NEDD4L: variants seen among roughly 807,000 people sequenced by gnomAD.
The protein encoded by NEDD4L is E3 ubiquitin-protein ligase NEDD4-like.
Under a neutral mutation model 148.9 loss-of-function variants are expected in NEDD4L, and 54 were observed. That is an observed-to-expected ratio of 0.36 (90% CI 0.29 to 0.45). The LOEUF is 0.45. Ranked by LOEUF, NEDD4L falls within the 20% of genes least tolerant of loss-of-function variation. The pLI is 1.00. For synonymous variants in NEDD4L, 433 were observed against 440.7 expected, an observed-to-expected ratio of 0.98 and a Z score of 0.22; for missense variants, 856 against 1,233.8, an observed-to-expected ratio of 0.69 and a Z score of 4.59.
chr18:58,341,901 G>C, intron 15 of NEDD4L, 104 bp downstream of exon 15: 1 of 1,334,618 alleles, frequency 7.5e-7, no homozygotes, highest in East Asian at 2.5e-5. Context: ...TCCTCTCTCT[G>C]ATCAGTCGTT....
intron 2 of NEDD4L, among the ~76,000 whole-genome samples, chr18:58,187,828 T>A (rs1416203602): frequency 6.6e-6 from 1 of 150,574 alleles, no homozygotes; most frequent in East Asian, 2.0e-4. Flanking sequence ...CCCACCCCCA[T>A]GTGCATTTCA....
chr18:58,385,706 C>T, intron 26 of NEDD4L, 120 bp downstream of exon 26: 1 of 800,370 alleles, frequency 1.2e-6, no homozygotes, highest in Non-Finnish European at 2.1e-6. Flanking sequence ...AGGCTGGGGA[C>T]CCTGCAGGAA....
intron 11 of NEDD4L, among the ~76,000 whole-genome samples, chr18:58,333,233 A>T (rs1173688105): frequency 6.6e-6 from 1 of 151,072 alleles, no homozygotes; most frequent in Non-Finnish European, 1.5e-5. Context: ...AACTGAGATC[A>T]TGCCACTGCA....
chr18:58,297,676 G>A (rs2055847710), intron 5 of NEDD4L, among the ~76,000 whole-genome samples: 1 of 152,132 alleles, frequency 6.6e-6, no homozygotes, highest in Non-Finnish European at 1.5e-5. Context: ...AAATGCCCCT[G>A]CAGATGTGAT....
intron 18 of NEDD4L, among the ~76,000 whole-genome samples, chr18:58,354,653 A>C (rs1196745067): frequency 1.3e-5 from 2 of 152,206 alleles, no homozygotes; most frequent in Non-Finnish European, 2.9e-5. Context: ...GACTGGTCTT[A>C]AGTGGTAGAG....
At chr18:58,381,885 C>T (rs1046681362) in intron 24 of NEDD4L, among the ~76,000 whole-genome samples, 11 of 152,074 alleles carry the variant, frequency 7.2e-5, no homozygotes, top group African/African-American at 1.7e-4. Context: ...ACGGCCTGTA[C>T]GGGGCAGGAG....
intron 1 of NEDD4L, among the ~76,000 whole-genome samples, chr18:58,108,148 C>T (rs180767975): frequency 7.9e-5 from 12 of 152,250 alleles, no homozygotes; most frequent in Non-Finnish European, 1.3e-4. Flanking sequence ...TAGCTGACTG[C>T]GTGATAAACG....
intron 1 of NEDD4L, among the ~76,000 whole-genome samples, chr18:58,135,985 A>G (rs1023264192): frequency 6.6e-6 from 1 of 152,218 alleles, no homozygotes; most frequent in Admixed American, 6.5e-5. Flanking sequence ...TTGTGGCTAA[A>G]TACAGGTGGT....
At position 58,385,544 on chromosome 18, in the gene NEDD4L, A is replaced by G; in HGVS notation, c.2445A>G (p.Arg815=). 1 of 1,613,816 alleles carries G rather than the reference A, an allele frequency of 6.2e-7. No homozygotes were observed. The highest frequency in any genetic ancestry group is 8.5e-7 in the Non-Finnish European group (1 of 1,179,750). ...CCTGCAGCTTAGTCATCCAGTGGAG[A>G]TTTGTGAACAGGGTCCAGAAGCAGA... The part of the protein sequence containing the change: ...REYIDLVIQW[R]FVNRVQKQMN... The change falls in exon 26 of 31, where the codon AGA becomes AGG. Residue 815 remains arginine, a synonymous_variant. Coordinates refer to ENST00000400345, the MANE Select transcript of NEDD4L (RefSeq NM_001144967.3).
At chr18:58,332,309 A>G (rs2041094128) in intron 11 of NEDD4L, among the ~76,000 whole-genome samples, 1 of 152,226 alleles carries the variant, frequency 6.6e-6, no homozygotes, top group African/African-American at 2.4e-5. Flanking sequence ...ATGAGAGTCA[A>G]ATCGGATATT....
chr18:58,312,899 C>T (rs1275343626), intron 5 of NEDD4L, among the ~76,000 whole-genome samples: 3 of 152,198 alleles, frequency 2.0e-5, no homozygotes, highest in South Asian at 4.1e-4. Flanking sequence ...GGGGTGATCT[C>T]GAACTCCTGA....
chr18:58,350,838 G>T (rs1452225167), intron 17 of NEDD4L, among the ~76,000 whole-genome samples, 153 bp from the exon 18 acceptor site: 2 of 152,214 alleles, frequency 1.3e-5, no homozygotes, highest in African/African-American at 4.8e-5. Context: ...GAGTTAACTT[G>T]AAATGTTCAT....
At chr18:58,046,564 G>C (rs2081596009) in intron 1 of NEDD4L, 1 of 152,220 alleles carries the variant, frequency 6.6e-6, no homozygotes, top group Admixed American at 6.5e-5. Flanking sequence ...ACTGTTGTTT[G>C]TGCTTTATTT....
chr18:58,109,160 A>G (rs923381900), intron 1 of NEDD4L, among the ~76,000 whole-genome samples: 3 of 152,260 alleles, frequency 2.0e-5, no homozygotes, highest in Non-Finnish European at 4.4e-5. Context: ...TCCAAATTAG[A>G]ATAAGGCAAG....
At chr18:58,120,472 A>G (rs1443944474) in intron 1 of NEDD4L, among the ~76,000 whole-genome samples, 1 of 152,208 alleles carries the variant, frequency 6.6e-6, no homozygotes, top group Non-Finnish European at 1.5e-5. Flanking sequence ...GTATGCAGCA[A>G]ATGTTCACCC....
chr18:58,213,117 T>C lies in NEDD4L; in HGVS notation c.123-32310T>C, dbSNP rs151139252. ...TAGAAGTGGCAAGTGGTATTATTTC[T>C]CATAATACTGATGGAAATGTGAATT... On this transcript the variant is annotated intron_variant, in intron 2 of 30. Transcript: ENST00000400345. 1.2e-3 allele frequency among the ~76,000 whole-genome samples: 184 copies of C among 151,110 alleles called. 1 individual carries two copies. The highest frequency in any genetic ancestry group is 4.1e-3 in the African/African-American group (169 of 40,760).
In NEDD4L at chr18:58,134,652, G is replaced by A. The variant is rs60877486; in HGVS notation, c.49-31136G>A. Reference sequence around the variant, plus strand: ...CTCCCAAAGTGCTGGGATTACAGGCGTGAGCCACCGCGCCCGGCCGCAATT... The same window carrying A: ...CTCCCAAAGTGCTGGGATTACAGGCATGAGCCACCGCGCCCGGCCGCAATT... On this transcript the variant is annotated intron_variant, in intron 1 of 30. Transcript: ENST00000400345. Among the ~76,000 whole-genome samples, 4 of 2,388 alleles carry A rather than the reference G, an allele frequency of 1.7e-3. 2 individuals are homozygous for A. The highest frequency in any genetic ancestry group is 9.4e-3 in the Admixed American group (2 of 212). 1.6% of individuals were successfully genotyped at this position (2,388 alleles called of 152,430 possible).
chr18:58,283,659 T>A (rs1345403549), intron 5 of NEDD4L, among the ~76,000 whole-genome samples: 1 of 152,238 alleles, frequency 6.6e-6, no homozygotes, highest in Non-Finnish European at 1.5e-5. Context: ...CTGCTGGTGC[T>A]ACACAACATA....
chr18:58,115,947 T>C (rs500733), intron 1 of NEDD4L, among the ~76,000 whole-genome samples: 88,367 of 152,042 alleles, frequency 0.58, 26,714 homozygotes, highest in African/African-American at 0.74. Flanking sequence ...AAATTTGGGT[T>C]GGAAATTGAT....
Sources: allele counts gnomAD v4.1 joint callset (sites outside exome capture counted in the v4.1 genomes callset), GRCh38; gene constraint gnomAD v4.1.1; transcripts MANE v1.5; gene names NCBI Gene and HGNC (gene_info 2026-07-23, HGNC 2026-07-21).